ZNF44: variants seen among roughly 807,000 people sequenced by gnomAD.
ZNF44 encodes the protein gonadotropin inducible transcription repressor-2.
Under a neutral mutation model 11.7 loss-of-function variants are expected in ZNF44, and 9 were observed. That is an observed-to-expected ratio of 0.77 (90% CI 0.46 to 1.35). The LOEUF (loss-of-function observed/expected upper bound fraction) is 1.35. Among genes scored for constraint, ZNF44 ranks in the 40% most tolerant of loss-of-function variants. The pLI, the probability that ZNF44 is intolerant of heterozygous loss-of-function variation, is 0.00. For missense variants in ZNF44, 696 were observed against 743.1 expected, an observed-to-expected ratio of 0.94 and a Z score of 0.74; for synonymous variants, 224 against 242.7, an observed-to-expected ratio of 0.92 and a Z score of 0.72.
chr19:12,261,598 C>T (rs1917513620), intron 5 of ZNF44, among the ~76,000 whole-genome samples: 1 of 152,180 alleles, frequency 6.6e-6, no homozygotes, highest in Admixed American at 6.5e-5. Context: ...TACTGCACTC[C>T]AGCCTGGATG....
chr19:12,261,958 TTTAAC>T (rs1254361704), intron 5 of ZNF44, among the ~76,000 whole-genome samples: 1 of 152,190 alleles, frequency 6.6e-6, no homozygotes, highest in East Asian at 1.9e-4. Context: ...TTTATTGACT[TTTAAC>T]TTTTTTTAAA....
At position 12,272,623 on chromosome 19, in the gene ZNF44, G is replaced by A; in HGVS notation, c.1632C>T (p.Pro544=). The change falls in exon 4 of 4, where the codon CCC becomes CCT. Residue 544 remains proline (P), a synonymous_variant. Coordinates refer to ENST00000355684, the MANE Select transcript of ZNF44 (RefSeq NM_016264.4). ...TCCTTTCATGTCTTAGAAGGAAAGAGGGCCAAAAGAATGCTTTCCTGCATT... is the reference window on the plus strand; with the variant it reads ...TCCTTTCATGTCTTAGAAGGAAAGAAGGCCAAAAGAATGCTTTCCTGCATT... ...CKQCRKAFFW[P]SFLLRHERTH... is the part of the protein sequence containing the mutation. 2 of 1,611,346 alleles carry A rather than the reference G, an allele frequency of 1.2e-6. No homozygotes were observed. Among genetic ancestry groups the A allele is most frequent in the South Asian group, 2.2e-5 (2 of 90,682 alleles).
intron 2 of ZNF44, among the ~76,000 whole-genome samples, chr19:12,275,428 C>G (rs1365751088): frequency 6.6e-6 from 1 of 152,146 alleles, no homozygotes; most frequent in Non-Finnish European, 1.5e-5. Flanking sequence ...GTGGGCAGAT[C>G]ACAAGGTCAG....
rs768063177 is a variant in ZNF44, at chr19:12,272,597, G to C, written c.1658C>G (p.Thr553Ser). 6.2e-7 allele frequency: 1 copy of C among 1,613,204 alleles called. No individual in the cohort carries two copies. The highest frequency in any genetic ancestry group is 1.1e-5 in the South Asian group (1 of 90,942). ...TTCATAGGGTCTTTCTCCAGTGTGA[G>C]TCCTTTCATGTCTTAGAAGGAAAGA... ...WPSFLLRHERTHTGERPYECK... is the reference protein window; with the variant it reads ...WPSFLLRHERSHTGERPYECK... Residue 553 changes from threonine to serine, a missense_variant, in exon 4 of 4, where the codon ACT becomes AGT. Physicochemically the swap from Thr to Ser is moderately conservative, Grantham distance 58. Coordinates refer to ENST00000355684, the MANE Select transcript of ZNF44 (RefSeq NM_016264.4).
At chr19:12,294,581 T>C in intron 1 of ZNF44, 111 bp downstream of exon 1, 1 of 1,449,662 alleles carries the variant, frequency 6.9e-7, no homozygotes, top group Non-Finnish European at 9.3e-7. Flanking sequence ...GGCGCTCAGG[T>C]CCCAGACCCC....
intron 5 of ZNF44, among the ~76,000 whole-genome samples, chr19:12,253,548 T>G (rs1274261396): frequency 6.6e-6 from 1 of 152,148 alleles, no homozygotes; most frequent in African/African-American, 2.4e-5. Flanking sequence ...AGCGTACATG[T>G]GCATAACAAA....
chr19:12,291,047 T>G, intron 1 of ZNF44: 5 of 257,858 alleles, frequency 1.9e-5, no homozygotes, highest in Non-Finnish European at 3.1e-5. Flanking sequence ...ACTTCTATTT[T>G]ATAGCTCAAC....
chr19:12,285,400 C>T (rs561704055), intron 1 of ZNF44, among the ~76,000 whole-genome samples: 25 of 152,198 alleles, frequency 1.6e-4, no homozygotes, highest in African/African-American at 5.1e-4. Context: ...GGATTACAGG[C>T]GCCCGCCACC....
chr19:12,248,804 G>T, intron 7 of ZNF44: 1 of 487,416 alleles, frequency 2.1e-6, no homozygotes, highest in Non-Finnish European at 3.3e-6. Flanking sequence ...TGTCTAAATT[G>T]CTTGTGAGGT....
At chr19:12,230,522 A>C (rs1301778842) in intron 2 of ZNF44, 2 of 152,328 alleles carry the variant, frequency 1.3e-5, no homozygotes. Flanking sequence ...GCAGCTGCAC[A>C]AGGGAGAGAG....
chr19:12,233,480 T>C (rs28691809), intron 2 of ZNF44, among the ~76,000 whole-genome samples: 1,535 of 148,136 alleles, frequency 0.01, 23 homozygotes, highest in African/African-American at 0.037. Context: ...CCCGGAGAAA[T>C]TGAACATACT....
At chr19:12,267,369 T>C (rs968283025), downstream of ZNF44, among the ~76,000 whole-genome samples, 1 of 151,970 alleles carries the variant, frequency 6.6e-6, no homozygotes, top group African/African-American at 2.4e-5. Context: ...AGCCAAAAAA[T>C]TAAAACACAC....
At chr19:12,287,974 G>C (rs565701278) in intron 1 of ZNF44, among the ~76,000 whole-genome samples, 3 of 152,302 alleles carry the variant, frequency 2.0e-5, no homozygotes, top group East Asian at 3.9e-4. Context: ...TTATGGTTCT[G>C]ACCCATGGTG....
At chr19:12,247,320 C>T (rs546735538), downstream of ZNF44, 29 of 1,281,340 alleles carry the variant, frequency 2.3e-5, no homozygotes, top group Middle Eastern at 2.7e-4. Context: ...TAAGGATGCA[C>T]GCCAAATGAA....
At chr19:12,248,326 G>A (rs918343931) in exon 8 of ZNF44, 32 of 1,293,626 alleles carry the variant, frequency 2.5e-5, no homozygotes, top group Middle Eastern at 2.1e-4. Context: ...TGGAAAGAAC[G>A]TTGACAACTG....
chr19:12,270,689 T>C (rs1966921853), downstream of ZNF44, among the ~76,000 whole-genome samples: 2 of 152,238 alleles, frequency 1.3e-5, no homozygotes, highest in South Asian at 4.1e-4. Flanking sequence ...TGACCTCAAG[T>C]TGATCCATCT....
chr19:12,230,598 C>T (rs1347499695), intron 2 of ZNF44: 1 of 152,230 alleles, frequency 6.6e-6, no homozygotes, highest in Non-Finnish European at 1.5e-5. Context: ...CAGAGACCTC[C>T]AGGATCCAGG....
chr19:12,285,809 G>C (rs1309249859), intron 1 of ZNF44, among the ~76,000 whole-genome samples: 1 of 152,032 alleles, frequency 6.6e-6, no homozygotes, highest in African/African-American at 2.4e-5. Flanking sequence ...ACGAGGTCAG[G>C]AGATCGAGAC....
At chr19:12,270,188 A>C (rs891655781), downstream of ZNF44, among the ~76,000 whole-genome samples, 3 of 152,138 alleles carry the variant, frequency 2.0e-5, no homozygotes, top group Non-Finnish European at 2.9e-5. Context: ...TAAAATAGAT[A>C]CATTTGCTCT....
Sources: gnomAD v4.1 joint callset for allele counts (sites outside exome capture counted in the v4.1 genomes callset) on GRCh38, gnomAD v4.1.1 for gene constraint, MANE v1.5 for transcripts, NCBI Gene and HGNC (gene_info 2026-07-23, HGNC 2026-07-21) for gene names.